The following GNA14 variants were observed in gnomAD, a reference collection of about 807,000 sequenced individuals.
GNA14 encodes guanine nucleotide-binding protein subunit alpha-14.
A neutral mutation model predicts 42.0 loss-of-function variants in GNA14; 50 were observed. That is an observed-to-expected ratio of 1.19 (90% CI 0.95 to 1.51). GNA14 has a LOEUF of 1.51. Ranked by LOEUF, GNA14 falls within the 40% of genes most tolerant of loss-of-function variation. GNA14 has a pLI of 0.00. For missense variants in GNA14, 473 were observed against 446.2 expected (o/e 1.06, Z -0.54); for synonymous variants, 173 against 163.1 (o/e 1.06, Z -0.46).
intron 1 of GNA14, among the ~76,000 whole-genome samples, chr9:77,638,717 T>G (rs1388061047): frequency 6.6e-6 from 1 of 152,164 alleles, no homozygotes; most frequent in Non-Finnish European, 1.5e-5. Flanking sequence ...GGTAATAATA[T>G]AAATCTAAGT....
intron 1 of GNA14, among the ~76,000 whole-genome samples, chr9:77,567,541 A>T (rs560754804): frequency 6.6e-6 from 1 of 152,084 alleles, no homozygotes; most frequent in South Asian, 2.1e-4. Flanking sequence ...CACAAGTTTT[A>T]AAAAAAATGC....
chr9:77,506,863 C>T (rs535626003), intron 2 of GNA14, among the ~76,000 whole-genome samples: 4 of 152,262 alleles, frequency 2.6e-5, no homozygotes, highest in African/African-American at 9.6e-5. Context: ...TGCTCATTTG[C>T]AGCAACTACC....
chr9:77,522,649 C>T (rs1564041932), intron 2 of GNA14, among the ~76,000 whole-genome samples: 1 of 152,258 alleles, frequency 6.6e-6, no homozygotes, highest in Non-Finnish European at 1.5e-5. Context: ...CCTGGCTGCC[C>T]AATCAGAATC....
At chr9:77,634,629 T>C (rs545731950) in intron 1 of GNA14, among the ~76,000 whole-genome samples, 1 of 152,114 alleles carries the variant, frequency 6.6e-6, no homozygotes, top group African/African-American at 2.4e-5. Context: ...ATACCACTTA[T>C]CCAAAAAAAA....
intron 2 of GNA14, among the ~76,000 whole-genome samples, chr9:77,445,779 G>A (rs1564016341): frequency 1.3e-5 from 2 of 152,010 alleles, no homozygotes; most frequent in Non-Finnish European, 2.9e-5. Context: ...AATTGTACGT[G>A]CCCAGGGGCC....
At chr9:77,563,913 C>T (rs554867926) in intron 1 of GNA14, among the ~76,000 whole-genome samples, 1 of 152,312 alleles carries the variant, frequency 6.6e-6, no homozygotes, top group Non-Finnish European at 1.5e-5. Context: ...ACTACTTTTA[C>T]AAGCTCTCTT....
At chr9:77,629,817 G>A (rs374050035) in intron 1 of GNA14, among the ~76,000 whole-genome samples, 1 of 152,088 alleles carries the variant, frequency 6.6e-6, no homozygotes, top group Non-Finnish European at 1.5e-5. Flanking sequence ...ACCATGGCAC[G>A]TGTATACCTA....
chr9:77,533,017 A>G (rs1217103077), intron 1 of GNA14, among the ~76,000 whole-genome samples: 1 of 152,202 alleles, frequency 6.6e-6, no homozygotes, highest in Non-Finnish European at 1.5e-5. Context: ...ACCCAATCCA[A>G]AAAGTCACAG....
chr9:77,455,479 G>A (rs944927127), intron 2 of GNA14, among the ~76,000 whole-genome samples: 2 of 152,194 alleles, frequency 1.3e-5, no homozygotes, highest in African/African-American at 4.8e-5. Flanking sequence ...CACCCAAAGG[G>A]GAAGAGATTA....
chr9:77,512,323 A>C (rs1282101139), intron 2 of GNA14, among the ~76,000 whole-genome samples: 2 of 152,354 alleles, frequency 1.3e-5, no homozygotes, highest in Non-Finnish European at 2.9e-5. Flanking sequence ...GTTACTACTC[A>C]TATCTTAATT....
At chr9:77,440,146 C>T (rs754829716) in intron 2 of GNA14, among the ~76,000 whole-genome samples, 1 of 152,238 alleles carries the variant, frequency 6.6e-6, no homozygotes. Context: ...TCTCTTTTTC[C>T]TTTCTCAAAC....
rs1554697000 is a variant in GNA14, at chr9:77,544,689, A to AAG, written c.125-15437_125-15436insCT. Among the ~76,000 whole-genome samples, 425 of 151,704 alleles carry AAG rather than the reference A, an allele frequency of 2.8e-3. 2 individuals carry two copies. The highest frequency in any genetic ancestry group is 0.01 in the African/African-American group (415 of 41,258). ...TGCATCTCAAAAAAAAAAAAAAAAA[A>AAG]AAGAAGGTTCATGGGTTCATGAGCT... On this transcript the variant is annotated intron_variant, in intron 1 of 6. Coordinates refer to ENST00000341700, the MANE Select transcript of GNA14 (RefSeq NM_004297.4).
At chr9:77,624,822 T>C (rs1823988505) in intron 1 of GNA14, among the ~76,000 whole-genome samples, 1 of 151,392 alleles carries the variant, frequency 6.6e-6, no homozygotes, top group Non-Finnish European at 1.5e-5. Context: ...AGGCTGAAAA[T>C]TCCAAAAACC....
In GNA14 at chr9:77,531,016, C is replaced by T. The variant is rs1386537858; in HGVS notation, c.125-1763G>A. 3.0e-4 allele frequency among the ~76,000 whole-genome samples: 45 copies of T among 152,220 alleles called. 1 individual carries two copies. ...ACATATCCTAGAAAGGATTTCCTTCCCCTGCATGCCACCAACAGTTAGCCC... is the reference window on the plus strand; with the variant it reads ...ACATATCCTAGAAAGGATTTCCTTCTCCTGCATGCCACCAACAGTTAGCCC... On this transcript the variant is annotated intron_variant, in intron 1 of 6. Transcript: ENST00000341700.
rs766456707 is a variant in GNA14, at chr9:77,428,910, G to C, written c.720C>G (p.Asn240Lys). ...EYDQVLAECDNENRMEESKAL... is the reference protein window; with the variant it reads ...EYDQVLAECDKENRMEESKAL... ...CCAAACTTCCCGCCCAGCATACCTC[G>C]TTGTCACACTCAGCCAGGACCTGGT... Residue 240 changes from asparagine to lysine, a missense_variant, in exon 5 of 7, where the codon AAC becomes AAG. Coordinates refer to ENST00000341700, the MANE Select transcript of GNA14 (RefSeq NM_004297.4). 3 of 1,613,078 alleles carry C rather than the reference G, an allele frequency of 1.9e-6. No homozygotes were observed. Among genetic ancestry groups the C allele is most frequent in the Non-Finnish European group, 2.5e-6 (3 of 1,179,566 alleles).
intron 2 of GNA14, among the ~76,000 whole-genome samples, chr9:77,482,468 C>T (rs1362724857): frequency 6.6e-6 from 1 of 152,190 alleles, no homozygotes; most frequent in Non-Finnish European, 1.5e-5. Flanking sequence ...CCCGACCTTT[C>T]TCTCTGGCTG....
chr9:77,533,325 G>A (rs544553569), intron 1 of GNA14, among the ~76,000 whole-genome samples: 1 of 152,114 alleles, frequency 6.6e-6, no homozygotes, highest in African/African-American at 2.4e-5. Context: ...GATTAGAGGC[G>A]TGTGCCACCA....
chr9:77,617,109 A>G (rs1315755321), intron 1 of GNA14, among the ~76,000 whole-genome samples: 2 of 152,038 alleles, frequency 1.3e-5, no homozygotes, highest in South Asian at 2.1e-4. Flanking sequence ...TGATCTCACA[A>G]TCCACCCACC....
chr9:77,631,467 TAAAA>T (rs59294268), intron 1 of GNA14, among the ~76,000 whole-genome samples: 198 of 123,394 alleles, frequency 1.6e-3, no homozygotes, highest in African/African-American at 3.8e-3. Flanking sequence ...ACTTTTTATG[TAAAA>T]AAAAAAAAAA....
Sources: gnomAD v4.1 joint callset for allele counts (sites outside exome capture counted in the v4.1 genomes callset) on GRCh38, gnomAD v4.1.1 for gene constraint, MANE v1.5 for transcripts, NCBI Gene and HGNC (gene_info 2026-07-23, HGNC 2026-07-21) for gene names.